IGF2BP2: variants seen among roughly 807,000 people sequenced by gnomAD.
IGF2BP2 encodes the protein insulin like growth factor 2 mRNA binding protein 2.
In IGF2BP2, 17 loss-of-function variants were observed where a neutral mutation model predicts 75.8. That is an observed-to-expected ratio of 0.22 (90% CI 0.15 to 0.34). The LOEUF (loss-of-function observed/expected upper bound fraction) is 0.34. Among genes scored for constraint, IGF2BP2 ranks in the 10% least tolerant of loss-of-function variants. The pLI is 1.00. For missense variants in IGF2BP2, 516 were observed against 772.4 expected (o/e 0.67, Z 3.93); for synonymous variants, 288 against 295.6 (o/e 0.97, Z 0.26).
At chr3:185,789,067 T>G (rs1736274449) in intron 2 of IGF2BP2, among the ~76,000 whole-genome samples, 1 of 152,134 alleles carries the variant, frequency 6.6e-6, no homozygotes, top group African/African-American at 2.4e-5. Context: ...TGGAGTGAAG[T>G]GTCTATTCAC....
At chr3:185,685,280 G>A (rs187436726) in intron 7 of IGF2BP2, among the ~76,000 whole-genome samples, 41 of 151,932 alleles carry the variant, frequency 2.7e-4, no homozygotes, top group African/African-American at 8.0e-4. Context: ...CCCGGGAGAC[G>A]GGAGGTTGCA....
At chr3:185,696,489 T>C in intron 4 of IGF2BP2, 123 bp downstream of exon 4, 1 of 770,276 alleles carries the variant, frequency 1.3e-6, no homozygotes, top group Non-Finnish European at 2.2e-6. Flanking sequence ...TAAATACATA[T>C]ACTCTAGGAA....
intron 2 of IGF2BP2, among the ~76,000 whole-genome samples, chr3:185,818,610 C>T (rs1317580007): frequency 6.6e-6 from 1 of 152,174 alleles, no homozygotes; most frequent in Admixed American, 6.5e-5. Context: ...ACCACTGAAA[C>T]AGAGAGAGGA....
chr3:185,815,533 G>A (rs925115010), intron 2 of IGF2BP2, among the ~76,000 whole-genome samples: 8 of 152,124 alleles, frequency 5.3e-5, no homozygotes, highest in African/African-American at 1.9e-4. Context: ...GGATAAAGAC[G>A]GATCTCTTCA....
chr3:185,741,433 AT>A (rs1729542483), intron 2 of IGF2BP2, among the ~76,000 whole-genome samples: 1 of 152,196 alleles, frequency 6.6e-6, no homozygotes, highest in Non-Finnish European at 1.5e-5. Context: ...TTTCAGATTC[AT>A]TTCTTTCCTA....
Position 185,647,205 on chromosome 3 carries a change from G to A in IGF2BP2, c.1594-67C>T, listed in dbSNP as rs758349972. ...CCCGTCAACGTGGTGGGCTCAGGAC[G>A]GAGTGAGGGGCCAAGAGGTGGAGCA... is the stretch of plus-strand genomic sequence containing the variant. On this transcript the variant is annotated intron_variant, in intron 14 of 15. Coordinates refer to ENST00000382199, the MANE Select transcript of IGF2BP2 (RefSeq NM_006548.6). This position sits in a 1 kb window ranked among gnomAD's most constrained non-coding sequence, Gnocchi z 4.9. 2.7e-5 allele frequency: 30 copies of A among 1,120,526 alleles called. No individual in the cohort carries two copies. The highest frequency in any genetic ancestry group is 4.6e-5 in the African/African-American group (3 of 65,276). The allele number at this position is 1,120,526 out of a possible 1,614,324, so 69.4% of individuals were successfully genotyped here.
In IGF2BP2 at chr3:185,668,500, G is replaced by GATAT. The variant is rs1209272708; in HGVS notation, c.1200+4040_1200+4041insATAT. 1.3e-4 allele frequency among the ~76,000 whole-genome samples: 16 copies of GATAT among 127,072 alleles called. No individual in the cohort carries two copies. In the Middle Eastern group the frequency reaches 0.013, roughly 104 times the overall value. 83.4% of individuals were successfully genotyped at this position (127,072 alleles called of 152,430 possible). On this transcript the variant is annotated intron_variant, in intron 10 of 15. Transcript: ENST00000382199. ...AGTTCATTTGTTCGAGAGAGAGAGA[G>GATAT]AGAGAGAGATATATATATATATATA...
chr3:185,677,834 G>A (rs1019323175), intron 7 of IGF2BP2, among the ~76,000 whole-genome samples: 4 of 152,116 alleles, frequency 2.6e-5, no homozygotes, highest in African/African-American at 9.7e-5. Context: ...ATTTGTTAAA[G>A]GAGTTCAACA....
rs76936927 is a variant in IGF2BP2, at chr3:185,647,323, G to A, written c.1594-185C>T. ...CCCCTGAGCACATGGGGCCATGTTG[G>A]TTGGGCCCTGACAGGCTCAATGACA... On this transcript the variant is annotated intron_variant, in intron 14 of 15. Coordinates refer to ENST00000382199, the MANE Select transcript of IGF2BP2 (RefSeq NM_006548.6). The surrounding 1 kb of genome is among the most constrained non-coding windows in gnomAD (Gnocchi z 4.9). 6.4e-4 allele frequency among the ~76,000 whole-genome samples: 97 copies of A among 152,196 alleles called. No individual in the cohort carries two copies. Among genetic ancestry groups the A allele is most frequent in the African/African-American group, 2.2e-3 (90 of 41,538 alleles).
intron 10 of IGF2BP2, among the ~76,000 whole-genome samples, chr3:185,660,593 A>G (rs1329609057): frequency 6.6e-6 from 1 of 152,176 alleles, no homozygotes; most frequent in Non-Finnish European, 1.5e-5. Flanking sequence ...AAGGGGCTGC[A>G]GCAGCCCCTC....
intron 2 of IGF2BP2, among the ~76,000 whole-genome samples, chr3:185,741,379 T>A (rs1424820752): frequency 6.6e-6 from 1 of 152,212 alleles, no homozygotes; most frequent in Non-Finnish European, 1.5e-5. Context: ...CTACTGGTTG[T>A]CAATTTTGAT....
chr3:185,672,418 T>C (rs1038659279), intron 10 of IGF2BP2, 123 bp downstream of exon 10: 78 of 980,754 alleles, frequency 8.0e-5, no homozygotes, highest in Non-Finnish European at 1.1e-4. Context: ...CTACATTGGA[T>C]TCATCTCTAC....
chr3:185,666,052 AGATAGAGG>A (rs1258138517), intron 10 of IGF2BP2, among the ~76,000 whole-genome samples: 3 of 142,132 alleles, frequency 2.1e-5, no homozygotes, highest in African/African-American at 7.6e-5. Context: ...ATAGATAGAT[AGATAGAGG>A]AACTATGACC....
chr3:185,707,224 CA>C (rs1171145824), intron 2 of IGF2BP2, among the ~76,000 whole-genome samples: 228 of 85,838 alleles, frequency 2.7e-3, no homozygotes, highest in Middle Eastern at 9.6e-3. Context: ...AACTCCATCT[CA>C]AAAAAAAAAA....
At chr3:185,816,174 C>T (rs957981301) in intron 2 of IGF2BP2, among the ~76,000 whole-genome samples, 2 of 152,060 alleles carry the variant, frequency 1.3e-5, no homozygotes, top group African/African-American at 4.8e-5. Context: ...AGTCTTGACC[C>T]GGGTGACAGT....
At chr3:185,652,661 A>C (rs1423054355) in intron 12 of IGF2BP2, among the ~76,000 whole-genome samples, 1 of 152,154 alleles carries the variant, frequency 6.6e-6, no homozygotes, top group Non-Finnish European at 1.5e-5. Context: ...ATTGAGTTAG[A>C]GTATGTGTGG....
rs142008868 is a variant in IGF2BP2, at chr3:185,672,912, G to A, written c.1072-243C>T. Among the ~76,000 whole-genome samples, 3 of 152,258 alleles carry A rather than the reference G, an allele frequency of 2.0e-5. No individual in the cohort carries two copies. The East Asian group carries it at 5.8e-4, about 29-fold the overall frequency. ...TGTCATGGAAAATGAGGCTCTTCCTGGGGATGGCAGCCACCTTGCCAGCCT... is the reference window on the plus strand; with the variant it reads ...TGTCATGGAAAATGAGGCTCTTCCTAGGGATGGCAGCCACCTTGCCAGCCT... On this transcript the variant is annotated intron_variant, in intron 9 of 15. Coordinates refer to ENST00000382199, the MANE Select transcript of IGF2BP2 (RefSeq NM_006548.6).
At chr3:185,775,901 T>C (rs940574733) in intron 2 of IGF2BP2, among the ~76,000 whole-genome samples, 2 of 152,170 alleles carry the variant, frequency 1.3e-5, no homozygotes, top group South Asian at 4.1e-4. Context: ...GCGTGAATAA[T>C]AGGATATTAC....
intron 2 of IGF2BP2, among the ~76,000 whole-genome samples, chr3:185,707,295 CTTTTTTTTTTTTTTTTTTTT>C (rs1159568857): frequency 5.0e-5 from 2 of 39,846 alleles, no homozygotes; most frequent in African/African-American, 2.2e-4. Context: ...AACGAAGGGG[CTTTTTTTTTTTTTTTTTTTT>C]TTTTTTTTTT....
Sources: allele counts gnomAD v4.1 joint callset (sites outside exome capture counted in the v4.1 genomes callset), GRCh38; gene constraint gnomAD v4.1.1; non-coding constraint Gnocchi (gnomAD v3.1); transcripts MANE v1.5; gene names NCBI Gene and HGNC (gene_info 2026-07-23, HGNC 2026-07-21).